KCNC2: variants seen among roughly 807,000 people sequenced by gnomAD.
KCNC2 encodes the protein voltage-gated potassium channel KCNC2.
KCNC2 carries 21 observed loss-of-function variants against 44.5 expected under a neutral mutation model. The observed-to-expected ratio is 0.47, with a 90% CI of 0.33 to 0.68. The LOEUF (loss-of-function observed/expected upper bound fraction) is 0.68, where lower values mean the gene tolerates loss of function less well. KCNC2 is among the 30% of genes least tolerant of loss of function. The pLI, the probability that KCNC2 is intolerant of heterozygous loss-of-function variation, is 0.01. For missense variants in KCNC2, 589 were observed against 826.2 expected (o/e 0.71, Z 3.52); for synonymous variants, 391 against 339.1 (o/e 1.15, Z -1.68).
At chr12:75,082,884 A>G (rs1884637407) in intron 2 of KCNC2, among the ~76,000 whole-genome samples, 1 of 151,760 alleles carries the variant, frequency 6.6e-6, no homozygotes, top group Admixed American at 6.6e-5. Context: ...ATAAGTCTGT[A>G]CAGATAGAGA....
At chr12:75,106,082 AC>A (rs1324246691) in intron 2 of KCNC2, among the ~76,000 whole-genome samples, 1 of 152,096 alleles carries the variant, frequency 6.6e-6, no homozygotes, top group East Asian at 1.9e-4. Flanking sequence ...ATAAAGGGAA[AC>A]CAGACGGTCT....
intron 2 of KCNC2, among the ~76,000 whole-genome samples, chr12:75,086,768 G>A (rs1331348034): frequency 6.7e-6 from 1 of 149,190 alleles, no homozygotes; most frequent in Non-Finnish European, 1.5e-5. Context: ...AAGGAAAAGT[G>A]AACATTTGAA....
At chr12:75,152,012 T>TAC (rs1491352875) in intron 2 of KCNC2, among the ~76,000 whole-genome samples, 1 of 145,568 alleles carries the variant, frequency 6.9e-6, no homozygotes, top group East Asian at 2.0e-4. Flanking sequence ...ATTATACATT[T>TAC]ATATATATAT....
intron 2 of KCNC2, among the ~76,000 whole-genome samples, chr12:75,197,423 CTACT>C (rs1371980956): frequency 2.6e-5 from 4 of 151,988 alleles, no homozygotes; most frequent in Non-Finnish European, 4.4e-5. Flanking sequence ...TGGAAAATGC[CTACT>C]TATCTTCTGG....
In KCNC2 at chr12:75,165,731, CTAT is replaced by C. The variant is rs1891406261; in HGVS notation, c.687+41563_687+41565del. Among the ~76,000 whole-genome samples the C allele has an allele frequency of 2.0e-5, 3 of 151,342 alleles. No individual in the cohort carries two copies. In the South Asian group the frequency reaches 6.2e-4, roughly 31 times the overall value. On this transcript the variant is annotated intron_variant, in intron 2 of 4. Coordinates refer to ENST00000549446, the MANE Select transcript of KCNC2 (RefSeq NM_139137.4). ...CTAATTGTAGATTATTCAGTTAAGC[CTAT>C]TTTTCTTAACAGTAAATTGTATATA... is the stretch of plus-strand genomic sequence containing the variant.
intron 2 of KCNC2, among the ~76,000 whole-genome samples, chr12:75,183,519 A>T (rs1892737815): frequency 6.6e-6 from 1 of 152,230 alleles, no homozygotes; most frequent in Admixed American, 6.5e-5. Context: ...GTACCCAGAA[A>T]GTCCTGGGAA....
In KCNC2 at chr12:75,153,178, T is replaced by A. The variant is rs117145395; in HGVS notation, c.687+54119A>T. On this transcript the variant is annotated intron_variant, in intron 2 of 4. Transcript: ENST00000549446. ...AATAATAGAATAAGAGATGGCTACA[T>A]GTGATTGGGAAGAAGACATGGTGTG... Among the ~76,000 whole-genome samples, 97 of 152,168 alleles carry A rather than the reference T, an allele frequency of 6.4e-4. 1 individual carries two copies. In the East Asian group the frequency reaches 0.018, roughly 29 times the overall value.
At chr12:75,109,500 TG>T (rs1351561533) in intron 2 of KCNC2, among the ~76,000 whole-genome samples, 4 of 152,168 alleles carry the variant, frequency 2.6e-5, no homozygotes, top group Non-Finnish European at 5.9e-5. Context: ...GAGCTGCAGC[TG>T]GGGCTATACT....
At chr12:75,108,436 G>A (rs1473189564) in intron 2 of KCNC2, among the ~76,000 whole-genome samples, 1 of 152,152 alleles carries the variant, frequency 6.6e-6, no homozygotes, top group African/African-American at 2.4e-5. Context: ...ACCTTGCATT[G>A]CCAGATTAGG....
At chr12:75,186,631 G>T (rs1892974019) in intron 2 of KCNC2, among the ~76,000 whole-genome samples, 2 of 152,084 alleles carry the variant, frequency 1.3e-5, no homozygotes, top group African/African-American at 4.8e-5. Context: ...TTTCCTGAAA[G>T]TAAGATTATT....
Position 75,042,859 on chromosome 12 carries a change from A to G in KCNC2, c.*246T>C. ...AATATCTGACACTATCTGTCATTTT[A>G]TTGCAAAAGGATATCAGGGCAATTA... On this transcript the variant is annotated 3_prime_UTR_variant, in exon 5 of 5. Transcript: ENST00000549446. The G allele has an allele frequency of 7.7e-7, 1 of 1,300,712 alleles. No homozygotes were observed. The highest frequency in any genetic ancestry group is 9.8e-7 in the Non-Finnish European group (1 of 1,025,350). The allele number at this position is 1,300,712 out of a possible 1,614,324, so 80.6% of individuals were successfully genotyped here.
chr12:75,097,194 A>T (rs987153637), intron 2 of KCNC2, among the ~76,000 whole-genome samples: 28 of 152,156 alleles, frequency 1.8e-4, no homozygotes, highest in African/African-American at 6.5e-4. Context: ...AAGTCATGGA[A>T]CAGGCAAAAC....
At chr12:75,124,515 C>G (rs906994821) in intron 2 of KCNC2, among the ~76,000 whole-genome samples, 4 of 152,094 alleles carry the variant, frequency 2.6e-5, no homozygotes, top group African/African-American at 9.7e-5. Flanking sequence ...GGATATCCCT[C>G]GCAGATGTAT....
chr12:75,076,342 G>A (rs1043535910), intron 2 of KCNC2, among the ~76,000 whole-genome samples: 12 of 58,416 alleles, frequency 2.1e-4, no homozygotes, highest in Admixed American at 7.6e-4. Flanking sequence ...GCGCGATCTC[G>A]ACTCACTGCA....
At chr12:75,055,812 C>A (rs1396805494) in intron 2 of KCNC2, among the ~76,000 whole-genome samples, 1 of 151,864 alleles carries the variant, frequency 6.6e-6, no homozygotes, top group Non-Finnish European at 1.5e-5. Context: ...GTCAATTTAC[C>A]TCAATGCAAA....
chr12:75,100,366 C>T (rs1364708313), intron 2 of KCNC2, among the ~76,000 whole-genome samples: 1 of 151,992 alleles, frequency 6.6e-6, no homozygotes, highest in Non-Finnish European at 1.5e-5. Context: ...AGACCTAACT[C>T]CTTATTATCT....
chr12:75,176,510 T>A lies in KCNC2; in HGVS notation c.687+30787A>T, dbSNP rs571073214. ...CCGATTTAATTCACTACTCTTCCCC[T>A]CTGCTCACCCTGTACCAGCCAAATG... On this transcript the variant is annotated intron_variant, in intron 2 of 4. Coordinates refer to ENST00000549446, the MANE Select transcript of KCNC2 (RefSeq NM_139137.4). Among the ~76,000 whole-genome samples, 4 of 152,060 alleles carry A rather than the reference T, an allele frequency of 2.6e-5. No individual in the cohort carries two copies. In the South Asian group the frequency reaches 8.3e-4, roughly 32 times the overall value.
chr12:75,169,510 C>T (rs532545993), intron 2 of KCNC2, among the ~76,000 whole-genome samples: 36 of 151,612 alleles, frequency 2.4e-4, no homozygotes, highest in African/African-American at 8.7e-4. Flanking sequence ...AATAAGATTA[C>T]TATGTCCCTC....
chr12:75,086,673 A>ATATAT (rs1272020683), intron 2 of KCNC2, among the ~76,000 whole-genome samples: 1 of 62,008 alleles, frequency 1.6e-5, no homozygotes, highest in Non-Finnish European at 2.7e-5. Flanking sequence ...AAAAAAAAAA[A>ATATAT]AAAAAAAAAT....
Sources: gnomAD v4.1 joint callset for allele counts (sites outside exome capture counted in the v4.1 genomes callset) on GRCh38, gnomAD v4.1.1 for gene constraint, MANE v1.5 for transcripts, NCBI Gene and HGNC (gene_info 2026-07-23, HGNC 2026-07-21) for gene names.